The following UIMC1 variants were observed in gnomAD, a reference collection of about 807,000 sequenced individuals.
The protein encoded by UIMC1 is ubiquitin interaction motif containing 1, also known as BRCA1-A complex subunit RAP80.
UIMC1 carries 42 observed loss-of-function variants against 84.9 expected under a neutral mutation model. The observed-to-expected ratio is 0.49, with a 90% confidence interval of 0.39 to 0.64. The LOEUF (loss-of-function observed/expected upper bound fraction) is 0.64, where lower values mean the gene tolerates loss of function less well. Ranked by LOEUF, UIMC1 falls within the 30% of genes least tolerant of loss-of-function variation. The pLI is 0.00. For synonymous variants in UIMC1, 281 were observed against 293.0 expected (o/e 0.96, Z 0.42); for missense variants, 825 against 847.6 (o/e 0.97, Z 0.33).
intron 11 of UIMC1, among the ~76,000 whole-genome samples, chr5:176,909,764 G>C (rs937411281): frequency 1.3e-5 from 2 of 152,164 alleles, no homozygotes; most frequent in African/African-American, 4.8e-5. Flanking sequence ...TACCTTTCAA[G>C]GTTTATCAAT....
At chr5:176,943,526 G>C (rs559202196) in intron 9 of UIMC1, 38 bp from the exon 10 acceptor site, 2 of 1,605,284 alleles carry the variant, frequency 1.2e-6, no homozygotes, top group South Asian at 1.1e-5. Context: ...AACAGCTTTA[G>C]TTCATATCAT....
intron 2 of UIMC1, 108 bp from the exon 3 acceptor site, chr5:176,975,588 T>G (rs1769934769): frequency 3.0e-6 from 3 of 1,001,448 alleles, no homozygotes; most frequent in Non-Finnish European, 3.1e-6. Flanking sequence ...AATTGGTGAT[T>G]GTTATAAATA....
At chr5:176,939,948 T>G (rs767607998) in intron 10 of UIMC1, among the ~76,000 whole-genome samples, 16 of 152,156 alleles carry the variant, frequency 1.1e-4, no homozygotes, top group Non-Finnish European at 2.2e-4. Context: ...TGTCTGAAAG[T>G]CTGCGATATC....
chr5:176,956,532 T>C (rs1766618254), intron 7 of UIMC1, among the ~76,000 whole-genome samples: 1 of 152,104 alleles, frequency 6.6e-6, no homozygotes, highest in Admixed American at 6.6e-5. Context: ...AAAAAACAAT[T>C]CCAAACTGCC....
intron 10 of UIMC1, among the ~76,000 whole-genome samples, chr5:176,930,637 C>A (rs1762964910): frequency 6.6e-6 from 1 of 152,188 alleles, no homozygotes; most frequent in African/African-American, 2.4e-5. Flanking sequence ...CAAATTAAAT[C>A]CTTTTACTTA....
chr5:176,951,204 A>G (rs1455738851), intron 9 of UIMC1, among the ~76,000 whole-genome samples: 1 of 152,234 alleles, frequency 6.6e-6, no homozygotes, highest in African/African-American at 2.4e-5. Context: ...AGTATGATTT[A>G]GAGCAAATTA....
intron 10 of UIMC1, among the ~76,000 whole-genome samples, chr5:176,933,727 T>C (rs1561770898): frequency 6.6e-6 from 1 of 152,026 alleles, no homozygotes; most frequent in East Asian, 1.9e-4. Flanking sequence ...GCAGAGATAG[T>C]GTCTTCCTAT....
Position 176,968,877 on chromosome 5 carries a change from G to C in UIMC1, c.878C>G (p.Thr293Ser). The change falls in exon 6 of 15, where the codon ACC becomes AGC. Residue 293 changes from threonine to serine, a missense_variant. Thr to Ser is a moderately conservative substitution (Grantham distance 58, BLOSUM62 1). Coordinates refer to ENST00000511320, the MANE Select transcript of UIMC1 (RefSeq NM_001199298.2). ...CPDGVDPNQY[T>S]KVILCQLEVY... is the part of the protein sequence containing the mutation. ...CTCCAACTGGCAGAGAATGACCTTG[G>C]TATACTGGTTAGGGTCTACTCCATC... is the stretch of plus-strand genomic sequence containing the variant. The C allele has an allele frequency of 1.2e-6, 2 of 1,614,102 alleles. No homozygotes were observed. Among genetic ancestry groups the C allele is most frequent in the East Asian group, 4.5e-5 (2 of 44,878 alleles).
chr5:176,935,355 A>G (rs986593713), intron 10 of UIMC1, among the ~76,000 whole-genome samples: 5 of 152,192 alleles, frequency 3.3e-5, no homozygotes, highest in Admixed American at 3.3e-4. Flanking sequence ...CTCTAATTGT[A>G]TTTCCTCTGA....
chr5:176,970,099 A>G (rs1768965337), intron 4 of UIMC1: 1 of 177,562 alleles, frequency 5.6e-6, no homozygotes, highest in South Asian at 1.2e-4. Context: ...GGTGAAACCC[A>G]GTCTCTACTG....
chr5:176,955,843 G>T, intron 8 of UIMC1, 116 bp downstream of exon 8: 1 of 900,462 alleles, frequency 1.1e-6, no homozygotes, highest in East Asian at 2.5e-5. Flanking sequence ...GTACATACAC[G>T]TATCAATTAC....
chr5:177,014,949 T>C (rs1233550596), intron 1 of UIMC1, among the ~76,000 whole-genome samples: 2 of 152,070 alleles, frequency 1.3e-5, no homozygotes, highest in East Asian at 1.9e-4. Context: ...GAAAGGAGTA[T>C]AGACCAGGCA....
chr5:176,949,185 T>TG (rs1388516733), intron 9 of UIMC1, among the ~76,000 whole-genome samples: 1 of 152,128 alleles, frequency 6.6e-6, no homozygotes, highest in African/African-American at 2.4e-5. Flanking sequence ...TTGTTACATA[T>TG]GTATACATGT....
chr5:176,992,219 G>A (rs1474744637), intron 1 of UIMC1, among the ~76,000 whole-genome samples: 1 of 152,082 alleles, frequency 6.6e-6, no homozygotes, highest in African/African-American at 2.4e-5. Flanking sequence ...TTGGCTTCAG[G>A]GGATTAACTA....
intron 6 of UIMC1, among the ~76,000 whole-genome samples, chr5:176,965,196 T>TAC (rs1768090588): frequency 6.6e-6 from 1 of 152,032 alleles, no homozygotes; most frequent in Non-Finnish European, 1.5e-5. Flanking sequence ...CCAAGGTGGG[T>TAC]GGATCACGAG....
At chr5:176,939,069 A>G (rs1272638540) in intron 10 of UIMC1, among the ~76,000 whole-genome samples, 2 of 151,976 alleles carry the variant, frequency 1.3e-5, no homozygotes, top group Non-Finnish European at 2.9e-5. Context: ...CCTGGGCAAC[A>G]TGGTGAGACC....
chr5:177,016,606 G>T (rs1490723521), intron 1 of UIMC1, among the ~76,000 whole-genome samples: 2 of 150,240 alleles, frequency 1.3e-5, no homozygotes, highest in Non-Finnish European at 3.0e-5. Flanking sequence ...CAGGAGAATC[G>T]CTTGAACCTG....
At position 176,959,764 on chromosome 5, in the gene UIMC1, G is replaced by T. The variant is rs559007869; in HGVS notation, c.1201-1610C>A. 2.0e-5 allele frequency among the ~76,000 whole-genome samples: 3 copies of T among 151,770 alleles called. No individual in the cohort carries two copies. The South Asian group carries it at 6.3e-4, about 32-fold the overall frequency. The stretch of plus-strand genomic sequence containing the variant: ...TATTGTGCTTTGGCCAGGCGCGGTG[G>T]CTCACGCCTGTAATCCCAGCACTTT... On this transcript the variant is annotated intron_variant, in intron 6 of 14. Coordinates refer to ENST00000511320, the MANE Select transcript of UIMC1 (RefSeq NM_001199298.2).
At chr5:176,906,117 T>C in intron 13 of UIMC1, 70 bp from the exon 14 acceptor site, 2 of 1,488,236 alleles carry the variant, frequency 1.3e-6, no homozygotes, top group Middle Eastern at 1.7e-4. Context: ...TCACTGATCT[T>C]TTGCTTCCGT....
Sources: gnomAD v4.1 joint callset for allele counts (sites outside exome capture counted in the v4.1 genomes callset) on GRCh38, gnomAD v4.1.1 for gene constraint, MANE v1.5 for transcripts, NCBI Gene and HGNC (gene_info 2026-07-23, HGNC 2026-07-21) for gene names.